MECOM: variants seen among roughly 807,000 people sequenced by gnomAD.
MECOM encodes the protein histone-lysine N-methyltransferase MECOM.
Under a neutral mutation model 116.3 loss-of-function variants are expected in MECOM, and 13 were observed. That is an observed-to-expected ratio of 0.11 (90% CI 0.07 to 0.18). The LOEUF (loss-of-function observed/expected upper bound fraction) is 0.18, where lower values mean the gene tolerates loss of function less well. MECOM is among the 10% of genes least tolerant of loss of function. The pLI is 1.00. For synonymous variants in MECOM, 528 were observed against 535.2 expected (o/e 0.99, Z 0.19); for missense variants, 1,299 against 1,509.0 (o/e 0.86, Z 2.31).
intron 9 of MECOM, among the ~76,000 whole-genome samples, chr3:169,108,300 A>T (rs1726119275): frequency 6.6e-6 from 1 of 152,184 alleles, no homozygotes. Flanking sequence ...AAATTAGGCC[A>T]TTTCCTGTAA....
intron 1 of MECOM, chr3:169,565,946 GA>G: frequency 2.2e-6 from 1 of 445,628 alleles, no homozygotes; most frequent in South Asian, 1.6e-5. Context: ...AATTTATAAA[GA>G]AAAAAGGTTT....
chr3:169,245,280 GT>G (rs1236537355), intron 2 of MECOM, among the ~76,000 whole-genome samples: 3 of 152,090 alleles, frequency 2.0e-5, no homozygotes, highest in Non-Finnish European at 4.4e-5. Context: ...CCACGCTAGG[GT>G]TAAATGTTGA....
chr3:169,201,207 T>C (rs1000346837), intron 2 of MECOM, among the ~76,000 whole-genome samples: 15 of 152,064 alleles, frequency 9.9e-5, no homozygotes, highest in Non-Finnish European at 1.8e-4. Flanking sequence ...GTTGACAATA[T>C]TCAATAAGTA....
intron 5 of MECOM, among the ~76,000 whole-genome samples, chr3:169,126,808 T>C (rs892210213): frequency 6.6e-6 from 1 of 151,268 alleles, no homozygotes; most frequent in Non-Finnish European, 1.5e-5. Flanking sequence ...AAACATGAGG[T>C]GAAAATGAGA....
At chr3:169,142,863 T>C (rs1484357358) in intron 3 of MECOM, among the ~76,000 whole-genome samples, 1 of 151,994 alleles carries the variant, frequency 6.6e-6, no homozygotes, top group Non-Finnish European at 1.5e-5. Flanking sequence ...CACTTCAATA[T>C]GGTCTTTGAA....
rs980347940 is a variant in MECOM at position 169,367,307 on chromosome 3, T to A, written c.375+13880A>T. On this transcript the variant is annotated intron_variant, in intron 2 of 16. Coordinates refer to ENST00000651503, the MANE Select transcript of MECOM (RefSeq NM_004991.4). ...GTTTTGCATAACATTAGTCATGGAA[T>A]TCCCCTGTGATGTTTCTAGAAAAGA... Among the ~76,000 whole-genome samples the A allele has an allele frequency of 2.0e-5, 3 of 151,954 alleles. No homozygotes were observed. The South Asian group carries it at 6.2e-4, about 31-fold the overall frequency.
At chr3:169,644,065 T>C in intron 1 of MECOM, among the ~76,000 whole-genome samples, 1 of 152,192 alleles carries the variant, frequency 6.6e-6, no homozygotes, top group East Asian at 1.9e-4. Flanking sequence ...AGAATCATTC[T>C]ATTTTCTTTA....
chr3:169,370,201 G>A (rs759519992), intron 2 of MECOM, among the ~76,000 whole-genome samples: 5 of 151,918 alleles, frequency 3.3e-5, no homozygotes, highest in African/African-American at 9.7e-5. Flanking sequence ...CGAATAGAAA[G>A]CCGAGAAACA....
intron 11 of MECOM, among the ~76,000 whole-genome samples, chr3:169,101,589 CA>C (rs1333188235): frequency 1.3e-5 from 2 of 150,036 alleles, no homozygotes; most frequent in African/African-American, 4.9e-5. Context: ...AAATCACACA[CA>C]AAACCAGAAA....
chr3:169,624,678 C>T (rs1396853083), intron 1 of MECOM, among the ~76,000 whole-genome samples: 5 of 152,190 alleles, frequency 3.3e-5, no homozygotes, highest in Admixed American at 2.6e-4. Flanking sequence ...AAAAGAGGCT[C>T]TTCCTGGCTA....
At chr3:169,426,537 C>T (rs1740727938) in intron 1 of MECOM, among the ~76,000 whole-genome samples, 1 of 152,184 alleles carries the variant, frequency 6.6e-6, no homozygotes, top group Admixed American at 6.5e-5. Flanking sequence ...GTTTGCCTTC[C>T]ATCCTTCTCA....
At chr3:169,447,850 G>C (rs1320846690) in intron 1 of MECOM, 1 of 152,264 alleles carries the variant, frequency 6.6e-6, no homozygotes, top group Non-Finnish European at 1.5e-5. Context: ...AAGCACAAAT[G>C]TGACCTACAA....
chr3:169,258,386 A>G (rs1014580226), intron 2 of MECOM, among the ~76,000 whole-genome samples: 4 of 152,222 alleles, frequency 2.6e-5, no homozygotes, highest in Non-Finnish European at 5.9e-5. Context: ...TACAGTTTGG[A>G]AACTGAAGCC....
intron 4 of MECOM, 69 bp downstream of exon 4, chr3:169,131,360 G>A (rs1208005039): frequency 3.1e-6 from 4 of 1,283,476 alleles, no homozygotes; most frequent in Non-Finnish European, 4.5e-6. Context: ...AGGAACAATG[G>A]ATGCTTTCGA....
chr3:169,277,024 AC>A (rs1759668197), intron 2 of MECOM, among the ~76,000 whole-genome samples: 2 of 152,008 alleles, frequency 1.3e-5, no homozygotes, highest in Non-Finnish European at 2.9e-5. Flanking sequence ...ACACACACAC[AC>A]ACACACACAA....
intron 7 of MECOM, 32 bp from the exon 8 acceptor site, chr3:169,116,771 C>T: frequency 6.5e-7 from 1 of 1,541,058 alleles, no homozygotes; most frequent in Non-Finnish European, 8.7e-7. Context: ...GAATCTCAGG[C>T]TTTATGTCAA....
chr3:169,124,736 A>G (rs1402579981), intron 5 of MECOM, among the ~76,000 whole-genome samples: 1 of 152,138 alleles, frequency 6.6e-6, no homozygotes, highest in African/African-American at 2.4e-5. Context: ...AAAGCTGAAC[A>G]TATGGGATTT....
At chr3:169,594,174 A>AAAAAAAC (rs1255613781) in intron 1 of MECOM, among the ~76,000 whole-genome samples, 24 of 125,934 alleles carry the variant, frequency 1.9e-4, no homozygotes, top group African/African-American at 5.1e-4. Flanking sequence ...AAAAAAAAAA[A>AAAAAAAC]AACACCTTTT....
At chr3:169,144,538 C>T (rs921399301) in intron 2 of MECOM, among the ~76,000 whole-genome samples, 19 of 152,004 alleles carry the variant, frequency 1.2e-4, no homozygotes, top group African/African-American at 3.9e-4. Flanking sequence ...TAATGAACTG[C>T]CATCATTAGG....
Sources: allele counts gnomAD v4.1 joint callset (sites outside exome capture counted in the v4.1 genomes callset), GRCh38; gene constraint gnomAD v4.1.1; transcripts MANE v1.5; gene names NCBI Gene and HGNC (gene_info 2026-07-23, HGNC 2026-07-21).